WIPF3: variants seen among roughly 807,000 people sequenced by gnomAD.
The protein encoded by WIPF3 is WAS/WASL-interacting protein family member 3.
WIPF3 carries 33 observed loss-of-function variants against 38.9 expected under a neutral mutation model. The ratio of observed to expected loss-of-function variants is 0.85; its 90% CI spans 0.64 to 1.14. The LOEUF is 1.14. Among genes scored for constraint, WIPF3 ranks in the 50% most tolerant of loss-of-function variants. The pLI, the probability that WIPF3 is intolerant of heterozygous loss-of-function variation, is 0.00. For synonymous variants in WIPF3, 324 were observed against 269.3 expected (o/e 1.20, Z -1.99); for missense variants, 711 against 652.5 (o/e 1.09, Z -0.98).
chr7:29,881,064 G>A (rs192897640), intron 4 of WIPF3, among the ~76,000 whole-genome samples: 2 of 152,274 alleles, frequency 1.3e-5, no homozygotes, highest in East Asian at 1.9e-4. Context: ...AGGCTCATCC[G>A]CAGGTGTCCA....
chr7:29,809,817 G>A (rs1274660084), intron 1 of WIPF3, among the ~76,000 whole-genome samples: 1 of 152,184 alleles, frequency 6.6e-6, no homozygotes, highest in Admixed American at 6.5e-5. Context: ...AATGCCCAGC[G>A]GGCATTATGT....
intron 4 of WIPF3, among the ~76,000 whole-genome samples, chr7:29,882,363 T>C (rs1054686201): frequency 6.6e-6 from 1 of 152,226 alleles, no homozygotes; most frequent in Non-Finnish European, 1.5e-5. Flanking sequence ...TCTTTTTGTA[T>C]TATATGGAAA....
chr7:29,814,854 G>A (rs1784432467), intron 1 of WIPF3, among the ~76,000 whole-genome samples: 1 of 152,142 alleles, frequency 6.6e-6, no homozygotes, highest in African/African-American at 2.4e-5. Context: ...AACCATGACT[G>A]CCCAGGGAAT....
chr7:29,842,808 T>A (rs1784934939), intron 2 of WIPF3, among the ~76,000 whole-genome samples: 1 of 152,190 alleles, frequency 6.6e-6, no homozygotes, highest in African/African-American at 2.4e-5. Context: ...TTAGTAGAAT[T>A]GCATATTGCA....
At chr7:29,879,163 T>C in intron 4 of WIPF3, 23 bp downstream of exon 4, 2 of 1,601,498 alleles carry the variant, frequency 1.2e-6, no homozygotes, top group Non-Finnish European at 1.7e-6. Flanking sequence ...TCATTCTGGC[T>C]CCCTTGTGGT....
chr7:29,824,302 C>G (rs1784582365), intron 1 of WIPF3, among the ~76,000 whole-genome samples: 1 of 152,110 alleles, frequency 6.6e-6, no homozygotes, highest in African/African-American at 2.4e-5. Flanking sequence ...GAGCGAGACT[C>G]CATCTCAAAC....
Position 29,888,158 on chromosome 7 carries a change from C to T in WIPF3, c.1190C>T (p.Ala397Val). The change falls in exon 6 of 9, where the codon GCC (alanine) becomes GTC (valine). Residue 397 changes from alanine to valine, a missense_variant. Ala to Val is a moderately conservative substitution (Grantham distance 64). Coordinates refer to ENST00000242140, the MANE Select transcript of WIPF3 (RefSeq NM_001080529.3). ...ELSSKSQQAT[A>V]WTPTQQPGGQ... is the part of the protein sequence containing the mutation. Reference sequence around the variant, plus strand: ...TCAAGCAAGAGCCAGCAGGCCACAGCCTGGACCCCGACGCAGCAGCCTGGA... The same window carrying T: ...TCAAGCAAGAGCCAGCAGGCCACAGTCTGGACCCCGACGCAGCAGCCTGGA... 6.2e-7 allele frequency: 1 copy of T among 1,613,654 alleles called. No homozygotes were observed. The highest frequency in any genetic ancestry group is 8.5e-7 in the Non-Finnish European group (1 of 1,179,758).
At chr7:29,888,500 C>CGTGT (rs756243450) in intron 6 of WIPF3, among the ~76,000 whole-genome samples, 1,744 of 138,728 alleles carry the variant, frequency 0.013, 42 homozygotes, top group African/African-American at 0.046. Flanking sequence ...TGTGCGTGTG[C>CGTGT]GTGTGTGTGC....
chr7:29,809,603 G>A (rs746511597), intron 1 of WIPF3, among the ~76,000 whole-genome samples: 2 of 152,244 alleles, frequency 1.3e-5, no homozygotes, highest in Non-Finnish European at 2.9e-5. Flanking sequence ...TTCCCCAGCC[G>A]ATGCTGGGCA....
chr7:29,898,389 G>T (rs1362009192), intron 7 of WIPF3, among the ~76,000 whole-genome samples: 2 of 152,058 alleles, frequency 1.3e-5, no homozygotes, highest in Non-Finnish European at 2.9e-5. Flanking sequence ...CTCCCATTCT[G>T]CCCTAAGCCA....
chr7:29,813,922 G>T (rs57628080), intron 1 of WIPF3, among the ~76,000 whole-genome samples: 2,032 of 129,006 alleles, frequency 0.016, 47 homozygotes, highest in East Asian at 0.095. Context: ...TTTGGTAAGA[G>T]AATTTTTTTT....
chr7:29,913,724 A>G (rs1369223292), intron 8 of WIPF3, among the ~76,000 whole-genome samples: 3 of 152,214 alleles, frequency 2.0e-5, no homozygotes, highest in Non-Finnish European at 4.4e-5. Flanking sequence ...CCATGTCACA[A>G]TGCCCAAACC....
intron 7 of WIPF3, among the ~76,000 whole-genome samples, chr7:29,901,383 AT>A (rs543723994): frequency 0.13 from 15,697 of 120,330 alleles, 1,038 homozygotes; most frequent in African/African-American, 0.18. Flanking sequence ...AGCAGCAGTG[AT>A]TTTTTTTTTT....
At chr7:29,849,564 C>T (rs174947) in intron 2 of WIPF3, among the ~76,000 whole-genome samples, 102,151 of 152,062 alleles carry the variant, frequency 0.67, 35,636 homozygotes, top group East Asian at 0.79. Context: ...CTTCAGTGTT[C>T]TCTAGTCTGA....
chr7:29,848,708 A>G (rs1425110388), intron 2 of WIPF3, among the ~76,000 whole-genome samples: 6 of 152,200 alleles, frequency 3.9e-5, no homozygotes, highest in African/African-American at 7.2e-5. Flanking sequence ...CTTTTCTTCT[A>G]TAGCTATATA....
intron 4 of WIPF3, among the ~76,000 whole-genome samples, chr7:29,880,944 T>G (rs1044498531): frequency 1.3e-5 from 2 of 152,052 alleles, no homozygotes; most frequent in African/African-American, 4.8e-5. Flanking sequence ...TGGCCTACCT[T>G]TCTTGGTGGT....
intron 2 of WIPF3, among the ~76,000 whole-genome samples, chr7:29,850,658 C>G (rs1255002382): frequency 1.3e-5 from 2 of 152,174 alleles, no homozygotes; most frequent in Non-Finnish European, 2.9e-5. Flanking sequence ...ACATGCCACC[C>G]CTACTCACCC....
intron 2 of WIPF3, among the ~76,000 whole-genome samples, chr7:29,847,112 C>T (rs1252730350): frequency 6.6e-6 from 1 of 152,142 alleles, no homozygotes; most frequent in Non-Finnish European, 1.5e-5. Context: ...TGTGAGGATC[C>T]CATAAGATAG....
chr7:29,911,255 T>C (rs182743954), intron 8 of WIPF3, among the ~76,000 whole-genome samples: 4 of 152,230 alleles, frequency 2.6e-5, no homozygotes, highest in Non-Finnish European at 4.4e-5. Context: ...TGAAATAAAT[T>C]AAATAAGACA....
Sources: gnomAD v4.1 joint callset for allele counts (sites outside exome capture counted in the v4.1 genomes callset) on GRCh38, gnomAD v4.1.1 for gene constraint, MANE v1.5 for transcripts, NCBI Gene and HGNC (gene_info 2026-07-23, HGNC 2026-07-21) for gene names.